The following CEP70 variants were observed in gnomAD, a reference collection of about 807,000 sequenced individuals.
CEP70 encodes centrosomal protein 70, also known as centrosomal protein of 70 kDa.
A neutral mutation model predicts 90.9 loss-of-function variants in CEP70; 70 were observed. The ratio of observed to expected loss-of-function variants is 0.77; its 90% CI spans 0.64 to 0.94. CEP70 has a LOEUF of 0.94. Among genes scored for constraint, CEP70 ranks in the 40% least tolerant of loss-of-function variants. CEP70 has a pLI of 0.00. For missense variants in CEP70, 648 were observed against 669.0 expected, an observed-to-expected ratio of 0.97 and a Z score of 0.35; for synonymous variants, 220 against 228.3, an observed-to-expected ratio of 0.96 and a Z score of 0.33.
intron 6 of CEP70, among the ~76,000 whole-genome samples, chr3:138,558,377 A>G (rs572112501): frequency 2.6e-5 from 4 of 152,296 alleles, no homozygotes; most frequent in African/African-American, 9.6e-5. Flanking sequence ...AAAAGAAAAG[A>G]AAAAGGAAAC....
intron 8 of CEP70, among the ~76,000 whole-genome samples, chr3:138,531,972 G>C (rs564559534): frequency 3.3e-5 from 5 of 152,216 alleles, no homozygotes; most frequent in Admixed American, 1.3e-4. Context: ...TACTGTTTTA[G>C]TGACCTTACA....
rs1040083945 is a variant in CEP70, at chr3:138,525,181, G to A, written c.944+309C>T. ...TCGCAAGGACAAAAAACCAAACACC[G>A]CATGTTCTCACTCATAGGTGGGAGT... is the stretch of plus-strand genomic sequence containing the variant. On this transcript the variant is annotated intron_variant, in intron 11 of 17. Coordinates refer to ENST00000264982, the MANE Select transcript of CEP70 (RefSeq NM_024491.4). Among the ~76,000 whole-genome samples, 13 of 151,648 alleles carry A rather than the reference G, an allele frequency of 8.6e-5. No individual in the cohort carries two copies. The Middle Eastern group carries it at 0.01, about 120-fold the overall frequency.
In CEP70 at chr3:138,523,542, T is replaced by C. The variant is rs537503990; in HGVS notation, c.944+1948A>G. On this transcript the variant is annotated intron_variant, in intron 11 of 17. Coordinates refer to ENST00000264982, the MANE Select transcript of CEP70 (RefSeq NM_024491.4). Reference sequence around the variant, plus strand: ...TTCAGCAAAGTCTCAGGATACAAAATCAATGTGCAAAAATCACAAGCATTC... The same window carrying C: ...TTCAGCAAAGTCTCAGGATACAAAACCAATGTGCAAAAATCACAAGCATTC... 1.9e-4 allele frequency among the ~76,000 whole-genome samples: 29 copies of C among 152,130 alleles called. No individual in the cohort carries two copies. The East Asian group carries it at 5.0e-3, about 26-fold the overall frequency.
In CEP70 at chr3:138,571,032, A is replaced by C; in HGVS notation, c.284+2T>G. ...CAAAAGAAATCTTTTCCATTTTCTC[A>C]CCTAAGCTGTTGATTAGTTTCTATA... On this transcript the variant is annotated splice_donor_variant, in intron 5 of 17. Coordinates refer to ENST00000264982, the MANE Select transcript of CEP70 (RefSeq NM_024491.4). LOFTEE classifies it high-confidence loss of function. 1 of 1,563,298 alleles carries C rather than the reference A, an allele frequency of 6.4e-7. No individual in the cohort carries two copies. The highest frequency in any genetic ancestry group is 8.6e-7 in the Non-Finnish European group (1 of 1,158,352).
At chr3:138,497,051 A>G (rs1560265611) in intron 17 of CEP70, 1 of 1,031,208 alleles carries the variant, frequency 9.7e-7, no homozygotes, top group Non-Finnish European at 1.2e-6. Flanking sequence ...ACACACTTAT[A>G]CAGTTTCATA....
At chr3:138,572,775 T>C (rs1195985440) in intron 3 of CEP70, 84 bp downstream of exon 3, 15 of 909,472 alleles carry the variant, frequency 1.6e-5, no homozygotes, top group African/African-American at 1.3e-4. Flanking sequence ...AGAATCCTTT[T>C]AAAGTCAAAT....
Position 138,497,711 on chromosome 3 carries a change from T to C in CEP70, c.1732+320A>G, listed in dbSNP as rs1002355360. 6 of 985,224 alleles carry C rather than the reference T, an allele frequency of 6.1e-6. No individual in the cohort carries two copies. The East Asian group carries it at 5.7e-4, about 93-fold the overall frequency. The allele number at this position is 985,224 out of a possible 1,614,324, so 61.0% of individuals were successfully genotyped here. On this transcript the variant is annotated intron_variant, in intron 17 of 17. Coordinates refer to ENST00000264982, the MANE Select transcript of CEP70 (RefSeq NM_024491.4). ...AAAAAAGGAGGGAGGAAGGACCTTC[T>C]AAGATCATAAATCCTAAGAATATTT...
In CEP70 at chr3:138,494,936, G is replaced by T; in HGVS notation, c.*79C>A. 1 of 789,154 alleles carries T rather than the reference G, an allele frequency of 1.3e-6. No individual in the cohort carries two copies. The highest frequency in any genetic ancestry group is 2.1e-6 in the Non-Finnish European group (1 of 468,952). The allele number at this position is 789,154 out of a possible 1,614,324, so 48.9% of individuals were successfully genotyped here. On this transcript the variant is annotated 3_prime_UTR_variant, in exon 18 of 18. Coordinates refer to ENST00000264982, the MANE Select transcript of CEP70 (RefSeq NM_024491.4). ...AGAGCAAATACATTTTACAACCCTT[G>T]TCTCAAAATAAGATCAATCCTACAA...
At chr3:138,577,517 T>G (rs1484906443) in intron 2 of CEP70, among the ~76,000 whole-genome samples, 1 of 151,912 alleles carries the variant, frequency 6.6e-6, no homozygotes, top group Non-Finnish European at 1.5e-5. Flanking sequence ...GTGTGGTGGC[T>G]CATGCCTGTA....
At chr3:138,551,988 C>T (rs2039656146) in intron 6 of CEP70, among the ~76,000 whole-genome samples, 1 of 152,026 alleles carries the variant, frequency 6.6e-6, no homozygotes, top group Non-Finnish European at 1.5e-5. Flanking sequence ...AAAGACATTC[C>T]ATGCAAATGG....
At chr3:138,570,234 T>C (rs1213672911) in intron 6 of CEP70, 84 bp downstream of exon 6, 1 of 868,318 alleles carries the variant, frequency 1.2e-6, no homozygotes. Flanking sequence ...AACCACTGAA[T>C]CAAACAACAT....
chr3:138,527,217 G>A (rs933132242), intron 10 of CEP70, among the ~76,000 whole-genome samples: 27 of 151,984 alleles, frequency 1.8e-4, no homozygotes, highest in African/African-American at 5.8e-4. Context: ...CCAGGTTGGA[G>A]TGTGGTGGTG....
At chr3:138,566,925 C>G (rs763458218) in intron 6 of CEP70, among the ~76,000 whole-genome samples, 48 of 151,970 alleles carry the variant, frequency 3.2e-4, no homozygotes, top group Non-Finnish European at 5.6e-4. Context: ...TTTGAACATA[C>G]AGTTTACAAG....
chr3:138,507,782 T>C (rs954711097), intron 12 of CEP70, among the ~76,000 whole-genome samples: 4 of 152,218 alleles, frequency 2.6e-5, no homozygotes, highest in Non-Finnish European at 5.9e-5. Context: ...TCTGCTGTGA[T>C]AATAACCATG....
chr3:138,577,738 C>T (rs1052659780), intron 2 of CEP70, among the ~76,000 whole-genome samples: 3 of 151,992 alleles, frequency 2.0e-5, no homozygotes, highest in African/African-American at 7.2e-5. Context: ...TGGTACTTGA[C>T]AATATGGTAG....
At chr3:138,521,212 C>T (rs558674305) in intron 11 of CEP70, among the ~76,000 whole-genome samples, 24 of 152,320 alleles carry the variant, frequency 1.6e-4, no homozygotes, top group African/African-American at 4.6e-4. Context: ...GAGATTGCAG[C>T]CTCTGCCCGG....
intron 6 of CEP70, among the ~76,000 whole-genome samples, chr3:138,542,107 T>G (rs2038814308): frequency 6.6e-6 from 1 of 152,154 alleles, no homozygotes; most frequent in African/African-American, 2.4e-5. Context: ...GCAAGCCAGG[T>G]GCAGAGCAGT....
rs199819372 is a variant in CEP70 at position 138,498,105 on chromosome 3, A to G, written c.1658T>C (p.Ile553Thr). 1.1e-4 allele frequency: 175 copies of G among 1,612,158 alleles called. No individual in the cohort carries two copies. Among genetic ancestry groups the G allele is most frequent in the Non-Finnish European group, 1.3e-4 (158 of 1,179,210 alleles). ...VLGPEDLQSI[I>T]YKLEEHEEFF... ...TTCCTCGTGTTCTTCCAATTTGTAG[A>G]TAATGCTGTTTAAAAAATGCACAAT... Residue 553 changes from isoleucine (I) to threonine (T), a missense_variant, in exon 17 of 18, where the codon ATC becomes ACC. By Grantham distance (89) the Ile-to-Thr change is moderately conservative (BLOSUM62 -1). Coordinates refer to ENST00000264982, the MANE Select transcript of CEP70 (RefSeq NM_024491.4).
At chr3:138,571,382 G>A (rs1249548868) in intron 3 of CEP70, 26 bp from the exon 4 acceptor site, 3 of 1,454,386 alleles carry the variant, frequency 2.1e-6, no homozygotes, top group African/African-American at 1.4e-5. Flanking sequence ...GAGAAGAAAG[G>A]GTTAACTTTA....
Sources: gnomAD v4.1 joint callset for allele counts (sites outside exome capture counted in the v4.1 genomes callset) on GRCh38, gnomAD v4.1.1 for gene constraint, MANE v1.5 for transcripts, NCBI Gene and HGNC (gene_info 2026-07-23, HGNC 2026-07-21) for gene names.